The following CSMD3 variants were observed in gnomAD, a reference collection of about 807,000 sequenced individuals.
CSMD3 encodes CUB and Sushi multiple domains 3.
CSMD3 carries 177 observed loss-of-function variants against 435.2 expected under a neutral mutation model. The observed-to-expected ratio is 0.41, with a 90% CI of 0.36 to 0.46. The LOEUF (loss-of-function observed/expected upper bound fraction) is 0.46. CSMD3 is among the 20% of genes least tolerant of loss of function. The pLI is 0.34. For synonymous variants in CSMD3, 1,656 were observed against 1,520.5 expected (o/e 1.09, Z -2.07); for missense variants, 4,265 against 4,504.6 (o/e 0.95, Z 1.52).
intron 10 of CSMD3, among the ~76,000 whole-genome samples, chr8:112,871,185 G>A (rs1188241248): frequency 6.6e-6 from 1 of 152,166 alleles, no homozygotes. Context: ...GTTGGCAGAT[G>A]TATACTCTTT....
intron 6 of CSMD3, among the ~76,000 whole-genome samples, chr8:112,998,435 C>T (rs2085737412): frequency 6.6e-6 from 1 of 151,868 alleles, no homozygotes; most frequent in South Asian, 2.1e-4. Flanking sequence ...GAAATATGTT[C>T]TCTTTCTTCA....
chr8:113,220,169 A>T (rs1243186347), intron 3 of CSMD3, among the ~76,000 whole-genome samples: 1 of 151,436 alleles, frequency 6.6e-6, no homozygotes, highest in Non-Finnish European at 1.5e-5. Context: ...GCAGGTGAAG[A>T]TTACAGAAGT....
intron 13 of CSMD3, among the ~76,000 whole-genome samples, chr8:112,691,479 T>C (rs538518942): frequency 6.6e-6 from 1 of 152,234 alleles, no homozygotes; most frequent in East Asian, 1.9e-4. Context: ...AAGGTTATTT[T>C]CCTATTTAAG....
At chr8:113,014,134 C>T (rs1354668959) in intron 6 of CSMD3, among the ~76,000 whole-genome samples, 1 of 152,056 alleles carries the variant, frequency 6.6e-6, no homozygotes, top group Non-Finnish European at 1.5e-5. Context: ...CTGGAGCCAA[C>T]AATTGTGGCC....
intron 2 of CSMD3, among the ~76,000 whole-genome samples, chr8:113,283,659 A>G (rs2093627203): frequency 6.6e-6 from 1 of 152,130 alleles, no homozygotes; most frequent in African/African-American, 2.4e-5. Context: ...ACTACTATGA[A>G]AAACAGTGTG....
intron 19 of CSMD3, among the ~76,000 whole-genome samples, chr8:112,647,974 T>C (rs2131623445): frequency 6.6e-6 from 1 of 152,298 alleles, no homozygotes; most frequent in Non-Finnish European, 1.5e-5. Flanking sequence ...GTCATCACTA[T>C]TATTACCACC....
At chr8:112,260,519 T>C (rs1189726822) in intron 61 of CSMD3, among the ~76,000 whole-genome samples, 1 of 152,206 alleles carries the variant, frequency 6.6e-6, no homozygotes, top group Non-Finnish European at 1.5e-5. Context: ...TATTACTATT[T>C]GTATTTCAAT....
intron 12 of CSMD3, among the ~76,000 whole-genome samples, chr8:112,822,207 G>A (rs562974671): frequency 2.0e-5 from 3 of 152,094 alleles, no homozygotes; most frequent in Non-Finnish European, 2.9e-5. Flanking sequence ...GTAGTTTGAT[G>A]GAGATAGCAT....
At chr8:113,358,415 T>C (rs536467313) in intron 1 of CSMD3, among the ~76,000 whole-genome samples, 31 of 152,136 alleles carry the variant, frequency 2.0e-4, no homozygotes, top group Non-Finnish European at 4.1e-4. Context: ...TGCAGTGGCA[T>C]GATCTCAGCT....
chr8:113,110,008 T>A (rs2090590692), intron 4 of CSMD3, among the ~76,000 whole-genome samples: 1 of 152,178 alleles, frequency 6.6e-6, no homozygotes, highest in South Asian at 2.1e-4. Flanking sequence ...TTTCCATAAG[T>A]ATCCCCAGTC....
chr8:112,933,399 G>A (rs1270147210), intron 9 of CSMD3, among the ~76,000 whole-genome samples: 8 of 152,082 alleles, frequency 5.3e-5, no homozygotes, highest in Non-Finnish European at 1.2e-4. Flanking sequence ...TGTAATATCA[G>A]TTCTGCAAAG....
intron 1 of CSMD3, among the ~76,000 whole-genome samples, chr8:113,324,254 G>T (rs1374968657): frequency 6.6e-6 from 1 of 152,184 alleles, no homozygotes; most frequent in South Asian, 2.1e-4. Flanking sequence ...AACATAGTGG[G>T]GAAAAGGTCT....
At chr8:112,263,391 C>G (rs1816627107) in intron 61 of CSMD3, among the ~76,000 whole-genome samples, 1 of 152,048 alleles carries the variant, frequency 6.6e-6, no homozygotes, top group Admixed American at 6.6e-5. Context: ...AAATTTAAGG[C>G]TGTCTCTAAT....
At chr8:112,266,198 T>C (rs1816929211) in intron 59 of CSMD3, among the ~76,000 whole-genome samples, 2 of 152,184 alleles carry the variant, frequency 1.3e-5, no homozygotes, top group Admixed American at 6.5e-5. Context: ...ACTCCATTAA[T>C]ATATCCAACT....
chr8:113,039,767 A>G (rs74489929), intron 5 of CSMD3, among the ~76,000 whole-genome samples: 7,166 of 152,330 alleles, frequency 0.047, 230 homozygotes, highest in Non-Finnish European at 0.07. Context: ...AGTTGGCAAC[A>G]AAAATTTTAA....
intron 7 of CSMD3, among the ~76,000 whole-genome samples, chr8:112,960,502 C>T (rs1282034649): frequency 6.6e-6 from 1 of 151,600 alleles, no homozygotes; most frequent in Admixed American, 6.6e-5. Context: ...CTGGGTTACA[C>T]AGGAAGACGA....
chr8:113,064,687 C>T (rs1008654267), intron 5 of CSMD3, among the ~76,000 whole-genome samples: 2 of 152,126 alleles, frequency 1.3e-5, no homozygotes, highest in African/African-American at 4.8e-5. Context: ...CTGTTCATTT[C>T]TTTGTAACTC....
intron 4 of CSMD3, among the ~76,000 whole-genome samples, chr8:113,132,174 GTAA>G (rs1184754963): frequency 6.6e-6 from 1 of 152,174 alleles, no homozygotes; most frequent in African/African-American, 2.4e-5. Context: ...TAAGTGGAAG[GTAA>G]TTACCTTGCC....
At chr8:112,459,609 T>C (rs544453769) in intron 32 of CSMD3, among the ~76,000 whole-genome samples, 39 of 152,288 alleles carry the variant, frequency 2.6e-4, no homozygotes, top group African/African-American at 8.4e-4. Context: ...GTTATCTGAC[T>C]ACTCAATTAG....
Sources: allele counts gnomAD v4.1 joint callset (sites outside exome capture counted in the v4.1 genomes callset), GRCh38; gene constraint gnomAD v4.1.1; transcripts MANE v1.5; gene names NCBI Gene and HGNC (gene_info 2026-07-23, HGNC 2026-07-21).